Variants in LARGE1 observed in about 807,000 individuals in gnomAD.
LARGE1 encodes the protein LARGE xylosyl- and glucuronyltransferase 1, also known as xylosyl- and glucuronyltransferase LARGE1.
LARGE1 carries 43 observed loss-of-function variants against 87.6 expected under a neutral mutation model. That is an observed-to-expected ratio of 0.49 (90% CI 0.38 to 0.63). The LOEUF is 0.63. Ranked by LOEUF, LARGE1 falls within the 30% of genes least tolerant of loss-of-function variation. LARGE1 has a pLI of 0.00. For synonymous variants in LARGE1, 434 were observed against 394.6 expected (o/e 1.10, Z -1.18); for missense variants, 802 against 1,000.2 (o/e 0.80, Z 2.67).
At chr22:33,574,686 TTGTGTGTGTGTGTGTGTGTGTGTGTG>T (rs3986017) in intron 5 of LARGE1, among the ~76,000 whole-genome samples, 108 of 144,080 alleles carry the variant, frequency 7.5e-4, no homozygotes, top group South Asian at 2.5e-3. Flanking sequence ...ATATAAACAA[TTGTGTGTGTGTGTGTGTGTGTGTGTG>T]TGTGTGTGTG....
chr22:33,191,255 T>C (rs1368001269), intron 11 of LARGE1, among the ~76,000 whole-genome samples: 1 of 149,814 alleles, frequency 6.7e-6, no homozygotes. Context: ...GATACAGTTA[T>C]GTAAAAAGTA....
intron 9 of LARGE1, among the ~76,000 whole-genome samples, chr22:33,380,037 G>A (rs2065109550): frequency 6.6e-6 from 1 of 152,170 alleles, no homozygotes; most frequent in Non-Finnish European, 1.5e-5. Context: ...GTGACATCCA[G>A]TTGCTCTTTG....
intron 9 of LARGE1, among the ~76,000 whole-genome samples, chr22:33,355,174 T>C (rs563533269): frequency 2.0e-5 from 3 of 152,330 alleles, no homozygotes; most frequent in African/African-American, 4.8e-5. Flanking sequence ...CTGGACACCA[T>C]GATCTTTTAG....
chr22:33,848,252 G>A (rs775575043), intron 1 of LARGE1, among the ~76,000 whole-genome samples: 42 of 152,004 alleles, frequency 2.8e-4, no homozygotes, highest in African/African-American at 3.4e-4. Flanking sequence ...AAAATCTTTC[G>A]CCCAGCACAT....
chr22:33,284,221 T>G (rs1162222657), intron 12 of LARGE1, among the ~76,000 whole-genome samples: 3 of 152,188 alleles, frequency 2.0e-5, no homozygotes, highest in Non-Finnish European at 4.4e-5. Context: ...TCACTCCGAC[T>G]GCACCCCTGG....
chr22:33,130,605 T>C, the LARGE1 span, among the ~76,000 whole-genome samples: 3 of 152,240 alleles, frequency 2.0e-5, no homozygotes, highest in South Asian at 6.2e-4. Context: ...ACTTGCCCAA[T>C]TGCCTTCTAG....
At chr22:33,775,519 G>A (rs926167100) in intron 1 of LARGE1, among the ~76,000 whole-genome samples, 2 of 147,198 alleles carry the variant, frequency 1.4e-5, no homozygotes, top group African/African-American at 5.0e-5. Flanking sequence ...ATTTACCCCA[G>A]GGGACATTTG....
intron 1 of LARGE1, among the ~76,000 whole-genome samples, chr22:33,837,139 T>C (rs1186746923): frequency 6.6e-6 from 1 of 152,044 alleles, no homozygotes; most frequent in Non-Finnish European, 1.5e-5. Flanking sequence ...ACATCCATGA[T>C]TGTGATTGAA....
At chr22:33,249,641 T>C (rs1184392110) in intron 11 of LARGE1, among the ~76,000 whole-genome samples, 2 of 152,236 alleles carry the variant, frequency 1.3e-5, no homozygotes, top group Non-Finnish European at 2.9e-5. Context: ...GGTTTTCTCC[T>C]ATGTTATCTT....
At chr22:33,336,351 C>T (rs1274473108) in intron 10 of LARGE1, among the ~76,000 whole-genome samples, 2 of 152,076 alleles carry the variant, frequency 1.3e-5, no homozygotes, top group Non-Finnish European at 2.9e-5. Context: ...TAGGTGCCTG[C>T]CACCATGCCT....
At chr22:33,104,361 G>A in the LARGE1 span, among the ~76,000 whole-genome samples, 1 of 152,216 alleles carries the variant, frequency 6.6e-6, no homozygotes, top group Non-Finnish European at 1.5e-5. Flanking sequence ...TGTTGGAGAT[G>A]AAAGTATTAC....
chr22:33,543,302 A>G (rs2077264095), intron 6 of LARGE1, among the ~76,000 whole-genome samples: 1 of 152,208 alleles, frequency 6.6e-6, no homozygotes, highest in Non-Finnish European at 1.5e-5. Flanking sequence ...GGAATTTGTA[A>G]AAGGGAAGAT....
chr22:33,531,300 G>C (rs1028437227), intron 6 of LARGE1, among the ~76,000 whole-genome samples: 19 of 152,056 alleles, frequency 1.2e-4, no homozygotes, highest in African/African-American at 4.3e-4. Flanking sequence ...TGGGATTACA[G>C]GTGCCCGCCA....
chr22:33,835,007 G>A (rs1284384492), intron 1 of LARGE1, among the ~76,000 whole-genome samples: 1 of 56,312 alleles, frequency 1.8e-5, no homozygotes, highest in African/African-American at 8.7e-5. Flanking sequence ...AAAGTTTGAG[G>A]CCAAAGCTAT....
the LARGE1 span, among the ~76,000 whole-genome samples, chr22:33,092,889 T>A: frequency 1.4e-4 from 22 of 152,298 alleles, no homozygotes; most frequent in Admixed American, 4.6e-4. Context: ...GGCATTTGGG[T>A]TGATTTCACA....
At chr22:33,722,516 T>C (rs916203958) in intron 2 of LARGE1, among the ~76,000 whole-genome samples, 3 of 152,156 alleles carry the variant, frequency 2.0e-5, no homozygotes, top group East Asian at 3.9e-4. Context: ...GTCCTTCAAG[T>C]GAATGAAAAC....
chr22:33,694,833 T>C (rs995976129), intron 2 of LARGE1, among the ~76,000 whole-genome samples: 3 of 152,152 alleles, frequency 2.0e-5, no homozygotes, highest in Non-Finnish European at 4.4e-5. Flanking sequence ...CTAGTGGTCG[T>C]GTTTGCATGC....
chr22:33,098,689 G>A, the LARGE1 span, among the ~76,000 whole-genome samples: 2 of 152,162 alleles, frequency 1.3e-5, no homozygotes, highest in Non-Finnish European at 2.9e-5. Flanking sequence ...TGAGCTGGAG[G>A]CATTTGTGAT....
At chr22:33,434,568 G>A (rs1395961127) in intron 6 of LARGE1, among the ~76,000 whole-genome samples, 1 of 152,128 alleles carries the variant, frequency 6.6e-6, no homozygotes, top group African/African-American at 2.4e-5. Flanking sequence ...CAAAGTGCTG[G>A]GATTACAAGC....
Sources: gnomAD v4.1 joint callset for allele counts (sites outside exome capture counted in the v4.1 genomes callset) on GRCh38, gnomAD v4.1.1 for gene constraint, MANE v1.5 for transcripts, NCBI Gene and HGNC (gene_info 2026-07-23, HGNC 2026-07-21) for gene names.